Variants in WDR7 observed in about 807,000 individuals in gnomAD.
WDR7 encodes the protein WD repeat domain 7.
In WDR7, 46 loss-of-function variants were observed where a neutral mutation model predicts 169.4. The observed-to-expected ratio is 0.27, with a 90% confidence interval of 0.21 to 0.35. The LOEUF (loss-of-function observed/expected upper bound fraction) is 0.35, where lower values mean the gene tolerates loss of function less well. Ranked by LOEUF, WDR7 falls within the 10% of genes least tolerant of loss-of-function variation. The probability of loss-of-function intolerance (pLI) is 1.00; values close to 1 mark genes in which losing one functional copy is unlikely to be tolerated. For synonymous variants in WDR7, 612 were observed against 666.8 expected (o/e 0.92, Z 1.27); for missense variants, 1,534 against 1,859.3 (o/e 0.83, Z 3.22).
At chr18:56,775,247 C>T (rs1402188007) in intron 16 of WDR7, among the ~76,000 whole-genome samples, 2 of 152,158 alleles carry the variant, frequency 1.3e-5, no homozygotes, top group Non-Finnish European at 2.9e-5. Context: ...AATTTCTCCC[C>T]ATTTTTGAAA....
intron 21 of WDR7, among the ~76,000 whole-genome samples, chr18:56,898,799 G>C (rs543217353): frequency 3.9e-4 from 59 of 152,148 alleles, no homozygotes; most frequent in African/African-American, 1.3e-3. Context: ...AACCAAAAAG[G>C]GCGCTGGTGA....
At chr18:56,749,764 CAT>C (rs2043760084) in intron 14 of WDR7, among the ~76,000 whole-genome samples, 1 of 151,720 alleles carries the variant, frequency 6.6e-6, no homozygotes, top group South Asian at 2.1e-4. Context: ...CAATTATTGC[CAT>C]TGTTTTACGT....
intron 19 of WDR7, among the ~76,000 whole-genome samples, chr18:56,785,679 C>G (rs1260719335): frequency 6.6e-6 from 1 of 152,060 alleles, no homozygotes; most frequent in South Asian, 2.1e-4. Context: ...TGGGCTGGGA[C>G]TAAGATGATA....
At chr18:56,672,422 G>A in intron 1 of WDR7, 75 bp from the exon 2 acceptor site, 1 of 1,235,646 alleles carries the variant, frequency 8.1e-7, no homozygotes, top group Non-Finnish European at 1.1e-6. Flanking sequence ...CAAATTGTTG[G>A]TTTTATAACA....
At chr18:56,873,786 C>T (rs911372879) in intron 20 of WDR7, 21 of 152,244 alleles carry the variant, frequency 1.4e-4, no homozygotes, top group African/African-American at 4.8e-4. Context: ...TGGTATAAAA[C>T]AATCTTGAAT....
At position 56,718,158 on chromosome 18, in the gene WDR7, T is replaced by C; in HGVS notation, c.1773T>C (p.Thr591=). 1 of 1,605,408 alleles carries C rather than the reference T, an allele frequency of 6.2e-7. No individual in the cohort carries two copies. The highest frequency in any genetic ancestry group is 8.5e-7 in the Non-Finnish European group (1 of 1,175,974). Residue 591 remains threonine, a splice_region_variant and synonymous_variant, in exon 13 of 28, where the codon ACT becomes ACC. Transcript: ENST00000254442. ...CTGTGTACGTCTGGCAAATGGATAC[T>C]GGTAAGAACAAGTATGAAGAGATAC... ...DGSVYVWQMD[T]GALDRCVMGI...
chr18:56,963,255 A>G lies in WDR7; in HGVS notation c.4164+726A>G, dbSNP rs531841646. Among the ~76,000 whole-genome samples, 122 of 152,286 alleles carry G rather than the reference A, an allele frequency of 8.0e-4. 1 individual carries two copies. Among genetic ancestry groups the G allele is most frequent in the South Asian group, 7.1e-3 (34 of 4,822 alleles). ...ATCGGGGTTAGGCTCCACCATGATC[A>G]TGGTAAATTTATAATGTTGCATTGG... On this transcript the variant is annotated intron_variant, in intron 26 of 27. Transcript: ENST00000254442.
At chr18:56,984,060 C>G (rs923384119) in intron 26 of WDR7, among the ~76,000 whole-genome samples, 3 of 142,750 alleles carry the variant, frequency 2.1e-5, no homozygotes, top group Non-Finnish European at 4.8e-5. Context: ...ACTATTTTAT[C>G]CGTTTGAAAA....
At chr18:57,035,894 A>C in the WDR7 span, 1 of 152,368 alleles carries the variant, frequency 6.6e-6, no homozygotes, top group South Asian at 2.1e-4. Context: ...GGATCACAGG[A>C]GGCTGAAAGC....
At chr18:56,992,412 A>T (rs1388780634) in intron 26 of WDR7, among the ~76,000 whole-genome samples, 2 of 152,262 alleles carry the variant, frequency 1.3e-5, no homozygotes, top group African/African-American at 2.4e-5. Context: ...ACCAGTATCA[A>T]GGCAAATATG....
intron 16 of WDR7, among the ~76,000 whole-genome samples, chr18:56,770,746 C>T (rs1462367689): frequency 6.6e-6 from 1 of 151,994 alleles, no homozygotes; most frequent in Non-Finnish European, 1.5e-5. Flanking sequence ...TTTGTACTGC[C>T]CTATTTCCCT....
chr18:56,953,209 A>G (rs1196623692), intron 25 of WDR7, among the ~76,000 whole-genome samples: 2 of 152,174 alleles, frequency 1.3e-5, no homozygotes, highest in East Asian at 3.8e-4. Flanking sequence ...TAAAAAATAA[A>G]CCGTATTTTT....
chr18:56,829,449 A>C (rs1054951079), intron 20 of WDR7, among the ~76,000 whole-genome samples: 1 of 152,148 alleles, frequency 6.6e-6, no homozygotes, highest in African/African-American at 2.4e-5. Flanking sequence ...GTATTGATTT[A>C]ATAAGTTTCC....
intron 14 of WDR7, among the ~76,000 whole-genome samples, chr18:56,752,288 A>G (rs757600804): frequency 9.9e-5 from 15 of 152,118 alleles, no homozygotes; most frequent in Non-Finnish European, 1.8e-4. Context: ...AGTATCCATC[A>G]TGTGATACTT....
intron 13 of WDR7, among the ~76,000 whole-genome samples, chr18:56,728,408 C>T (rs1233841135): frequency 2.6e-5 from 4 of 152,186 alleles, no homozygotes; most frequent in Non-Finnish European, 5.9e-5. Flanking sequence ...GTGGGAGTCC[C>T]TTCACACTGG....
chr18:57,009,433 T>A (rs369205143), intron 26 of WDR7, among the ~76,000 whole-genome samples: 4 of 152,310 alleles, frequency 2.6e-5, no homozygotes, highest in African/African-American at 9.6e-5. Context: ...GGTGTTTGGT[T>A]ACATGACTAA....
intron 13 of WDR7, among the ~76,000 whole-genome samples, chr18:56,728,310 T>C (rs2026504803): frequency 1.3e-5 from 2 of 152,248 alleles, no homozygotes; most frequent in South Asian, 4.1e-4. Context: ...ATCAAACATT[T>C]AAGTTACTCA....
intron 13 of WDR7, chr18:56,721,495 A>G (rs375248384): frequency 6.6e-6 from 1 of 152,228 alleles, no homozygotes; most frequent in African/African-American, 2.4e-5. Flanking sequence ...ATTCTTTCAC[A>G]TCTCTAAATA....
intron 22 of WDR7, among the ~76,000 whole-genome samples, chr18:56,934,121 T>C (rs550711909): frequency 2.6e-4 from 39 of 152,240 alleles, no homozygotes; most frequent in Non-Finnish European, 4.6e-4. Flanking sequence ...TCATCCACAT[T>C]GATGGATGAA....
Sources: gnomAD v4.1 joint callset for allele counts (sites outside exome capture counted in the v4.1 genomes callset) on GRCh38, gnomAD v4.1.1 for gene constraint, MANE v1.5 for transcripts, NCBI Gene and HGNC (gene_info 2026-07-23, HGNC 2026-07-21) for gene names.